The following PRKAG2 variants were observed in gnomAD, a reference collection of about 807,000 sequenced individuals.
PRKAG2 encodes 5'-AMP-activated protein kinase subunit gamma-2.
A neutral mutation model predicts 69.6 loss-of-function variants in PRKAG2; 26 were observed. That is an observed-to-expected ratio of 0.37 (90% CI 0.27 to 0.52). The LOEUF (loss-of-function observed/expected upper bound fraction) is 0.52. Ranked by LOEUF, PRKAG2 falls within the 20% of genes least tolerant of loss-of-function variation. The pLI, the probability that PRKAG2 is intolerant of heterozygous loss-of-function variation, is 0.90. For missense variants in PRKAG2, 557 were observed against 740.0 expected, an observed-to-expected ratio of 0.75 and a Z score of 2.87; for synonymous variants, 293 against 285.0, an observed-to-expected ratio of 1.03 and a Z score of -0.28.
intron 3 of PRKAG2, among the ~76,000 whole-genome samples, chr7:151,750,277 T>C (rs2151734440): frequency 6.6e-6 from 1 of 152,216 alleles, no homozygotes; most frequent in African/African-American, 2.4e-5. Flanking sequence ...CCAAGAGAAC[T>C]GCAAACGGGT....
chr7:151,722,638 G>A (rs1044812514), intron 3 of PRKAG2, among the ~76,000 whole-genome samples: 8 of 152,164 alleles, frequency 5.3e-5, no homozygotes, highest in East Asian at 1.9e-4. Context: ...TGAGACTCCC[G>A]TGGGGACACA....
At chr7:151,559,132 G>C in intron 15 of PRKAG2, 2 of 985,406 alleles carry the variant, frequency 2.0e-6, no homozygotes, top group Non-Finnish European at 2.4e-6. Flanking sequence ...ATGCCTGCCT[G>C]GAAATTTATA....
intron 1 of PRKAG2, among the ~76,000 whole-genome samples, chr7:151,841,438 T>C (rs111970276): frequency 2.2e-4 from 33 of 149,798 alleles, no homozygotes; most frequent in African/African-American, 6.4e-4. Context: ...ATGGTAGTGA[T>C]AGTAGGTAGG....
At chr7:151,809,470 G>A (rs1331522813) in intron 1 of PRKAG2, 3 of 313,610 alleles carry the variant, frequency 9.6e-6, no homozygotes, top group East Asian at 9.7e-5. Context: ...GCACAGGAAC[G>A]GTGCCTTCAC....
chr7:151,760,950 A>G (rs1240179264), intron 3 of PRKAG2, among the ~76,000 whole-genome samples: 1 of 152,228 alleles, frequency 6.6e-6, no homozygotes, highest in Non-Finnish European at 1.5e-5. Flanking sequence ...AGAAAAAAAT[A>G]ACTGAAAGGA....
intron 1 of PRKAG2, among the ~76,000 whole-genome samples, chr7:151,820,948 A>AC (rs59127176): frequency 0.15 from 22,057 of 151,142 alleles, 2,092 homozygotes; most frequent in South Asian, 0.24. Context: ...TATTCTTAGG[A>AC]CCCCCCCCAG....
At chr7:151,663,611 C>T (rs1439902965) in intron 4 of PRKAG2, among the ~76,000 whole-genome samples, 5 of 152,192 alleles carry the variant, frequency 3.3e-5, no homozygotes, top group African/African-American at 9.6e-5. Context: ...CTGCCCACCT[C>T]GGCCTCCTAG....
intron 3 of PRKAG2, among the ~76,000 whole-genome samples, chr7:151,767,763 G>T (rs77971623): frequency 6.6e-6 from 1 of 152,238 alleles, no homozygotes; most frequent in Non-Finnish European, 1.5e-5. Context: ...ACTCTGTGAC[G>T]TGAGTCATTA....
chr7:151,681,729 A>G (rs1397119187), intron 3 of PRKAG2, among the ~76,000 whole-genome samples: 1 of 152,126 alleles, frequency 6.6e-6, no homozygotes. Context: ...AATGGCAGGG[A>G]CCACACCTCA....
In PRKAG2 at chr7:151,736,318, A is replaced by G. The variant is rs1791038963; in HGVS notation, c.466+44834T>C. The G allele has an allele frequency of 3.5e-6, 4 of 1,153,098 alleles. No homozygotes were observed. In the Admixed American group the frequency reaches 1.2e-4, roughly 34 times the overall value. 71.4% of individuals were successfully genotyped at this position (1,153,098 alleles called of 1,614,324 possible). On this transcript the variant is annotated intron_variant, in intron 3 of 15. Transcript: ENST00000287878. Reference sequence around the variant, plus strand: ...GTAGCAAGAAGCTGCCGGAAGCGCAAACAGAACTTCGCAGGGGATTTGTTG... The same window carrying G: ...GTAGCAAGAAGCTGCCGGAAGCGCAGACAGAACTTCGCAGGGGATTTGTTG...
intron 3 of PRKAG2, among the ~76,000 whole-genome samples, chr7:151,705,542 G>A (rs1250056135): frequency 6.6e-6 from 1 of 152,172 alleles, no homozygotes; most frequent in Admixed American, 6.5e-5. Flanking sequence ...ACACTCCTTA[G>A]GGAGACAGAT....
rs1394093516 is a variant in PRKAG2, at chr7:151,780,848, T to C, written c.466+304A>G. On this transcript the variant is annotated intron_variant, in intron 3 of 15. Transcript: ENST00000287878. This position sits in a 1 kb window ranked among gnomAD's most constrained non-coding sequence, Gnocchi z 4.2. ...GAGAAGGCTGGAGGCAAGTGTGTCA[T>C]CTGATTGTCCATACAAGCTGTACTG... is the stretch of plus-strand genomic sequence containing the variant. Among the ~76,000 whole-genome samples, 3 of 152,198 alleles carry C rather than the reference T, an allele frequency of 2.0e-5. No individual in the cohort carries two copies. Among genetic ancestry groups the C allele is most frequent in the African/African-American group, 7.2e-5 (3 of 41,448 alleles).
At position 151,753,201 on chromosome 7, in the gene PRKAG2, C is replaced by T. The variant is rs1281527740; in HGVS notation, c.466+27951G>A. ...AGAGAAAGGACAACGAAACAAAACG[C>T]GTGGCTGGAGGTCTCCTCTTCCAAG... On this transcript the variant is annotated intron_variant, in intron 3 of 15. Transcript: ENST00000287878. Among the ~76,000 whole-genome samples the T allele has an allele frequency of 3.3e-5, 5 of 152,234 alleles. No homozygotes were observed. In the East Asian group the frequency reaches 5.8e-4, roughly 18 times the overall value.
At chr7:151,735,960 T>G (rs1286780125) in intron 3 of PRKAG2, 3 of 1,536,238 alleles carry the variant, frequency 2.0e-6, no homozygotes, top group Non-Finnish European at 2.6e-6. Context: ...TCCTTGTGTT[T>G]CTTGTTGCTC....
intron 14 of PRKAG2, among the ~76,000 whole-genome samples, chr7:151,562,182 T>C (rs1336792107): frequency 2.9e-5 from 4 of 136,530 alleles, no homozygotes; most frequent in African/African-American, 5.5e-5. Context: ...GAGGCGGAGG[T>C]TGTAGTGAGC....
At chr7:151,715,162 C>T (rs1432575154) in intron 3 of PRKAG2, among the ~76,000 whole-genome samples, 3 of 147,918 alleles carry the variant, frequency 2.0e-5, no homozygotes, top group Admixed American at 1.3e-4. Context: ...ATTACAGGTG[C>T]GTGCCACCAT....
At chr7:151,707,365 G>T (rs1448878899) in intron 3 of PRKAG2, among the ~76,000 whole-genome samples, 1 of 152,152 alleles carries the variant, frequency 6.6e-6, no homozygotes, top group Non-Finnish European at 1.5e-5. Context: ...AGGTGTGGCT[G>T]CAAATTCCTA....
chr7:151,685,761 T>C (rs1834622799), intron 3 of PRKAG2, among the ~76,000 whole-genome samples: 1 of 91,712 alleles, frequency 1.1e-5, no homozygotes, highest in Non-Finnish European at 2.5e-5. Context: ...AGAAAGACCC[T>C]GTCTCTAAAA....
intron 1 of PRKAG2, among the ~76,000 whole-genome samples, chr7:151,815,091 C>T (rs6954429): frequency 0.79 from 120,726 of 152,114 alleles, 48,256 homozygotes; most frequent in Non-Finnish European, 0.82. Context: ...GTCCTTGGAG[C>T]ACAAAGATTG....
Sources: gnomAD v4.1 joint callset for allele counts (sites outside exome capture counted in the v4.1 genomes callset) on GRCh38, gnomAD v4.1.1 for gene constraint, Gnocchi (gnomAD v3.1) non-coding constraint, MANE v1.5 for transcripts, NCBI Gene and HGNC (gene_info 2026-07-23, HGNC 2026-07-21) for gene names.